SRSF7: variants seen among roughly 807,000 people sequenced by gnomAD.
SRSF7 encodes the protein serine and arginine rich splicing factor 7.
In SRSF7, 15 loss-of-function variants were observed where a neutral mutation model predicts 42.2. The observed-to-expected ratio is 0.36, with a 90% CI of 0.24 to 0.55. The LOEUF is 0.55. Among genes scored for constraint, SRSF7 ranks in the 20% least tolerant of loss-of-function variants. The pLI is 0.88. For synonymous variants in SRSF7, 138 were observed against 107.9 expected, an observed-to-expected ratio of 1.28 and a Z score of -1.73; for missense variants, 181 against 305.9, an observed-to-expected ratio of 0.59 and a Z score of 3.04.
At chr2:38,750,665 C>A (rs1305076745) in intron 1 of SRSF7, among the ~76,000 whole-genome samples, 2 of 149,516 alleles carry the variant, frequency 1.3e-5, no homozygotes, top group African/African-American at 4.9e-5. Flanking sequence ...CTCCCCGCCC[C>A]AGAGCCATAA....
intron 5 of SRSF7, chr2:38,747,002 A>T (rs1450697099): frequency 1.5e-6 from 1 of 652,694 alleles, no homozygotes; most frequent in Non-Finnish European, 2.8e-6. Context: ...ACTGTGTAAT[A>T]TCCAAGGGAA....
chr2:38,747,182 A>T, intron 5 of SRSF7: 3 of 441,340 alleles, frequency 6.8e-6, no homozygotes, highest in South Asian at 4.8e-5. Flanking sequence ...AATTCAGGTG[A>T]TAAGGCCAGA....
At position 38,751,196 on chromosome 2, in the gene SRSF7, A is replaced by C. The variant is rs112411031; in HGVS notation, c.28+33T>G. 1.4e-5 allele frequency: 23 copies of C among 1,613,662 alleles called. No homozygotes were observed. The African/African-American group carries it at 2.7e-4, about 19-fold the overall frequency. ...GCCTCGCAGTGCTCACTACACCCACACCAACGTCCCTCACCGGACTCCAGC... is the reference window on the plus strand; with the variant it reads ...GCCTCGCAGTGCTCACTACACCCACCCCAACGTCCCTCACCGGACTCCAGC... On this transcript the variant is annotated intron_variant, in intron 1 of 7. Coordinates refer to ENST00000313117, the MANE Select transcript of SRSF7 (RefSeq NM_001031684.3).
At chr2:38,751,129 C>G (rs1668287925) in intron 1 of SRSF7, 100 bp downstream of exon 1, 1 of 1,518,540 alleles carries the variant, frequency 6.6e-7, no homozygotes, top group Non-Finnish European at 9.1e-7. Context: ...CGCCATTACG[C>G]ACGCGGAATA....
At chr2:38,749,290 T>C in intron 3 of SRSF7, 1 of 1,476,242 alleles carries the variant, frequency 6.8e-7, no homozygotes, top group Non-Finnish European at 9.1e-7. Context: ...CGCCTCAGCA[T>C]GATATCATAA....
intron 2 of SRSF7, 65 bp from the exon 3 acceptor site, chr2:38,749,770 A>C (rs1418056054): frequency 6.9e-7 from 1 of 1,442,722 alleles, no homozygotes; most frequent in East Asian, 2.5e-5. Context: ...AGATTTAAAA[A>C]GAACTCTTTC....
At chr2:38,749,295 T>C in intron 3 of SRSF7, 2 of 1,481,812 alleles carry the variant, frequency 1.3e-6, no homozygotes, top group Non-Finnish European at 1.8e-6. Context: ...CAGCATGATA[T>C]CATAAGGCTC....
chr2:38,748,564 TAAAC>T lies in SRSF7; in HGVS notation c.461+11_461+14del, dbSNP rs764569919. On this transcript the variant is annotated intron_variant, in intron 4 of 7. Transcript: ENST00000313117. ...AATAATAATACAGAAAGACTTCAGT[TAAAC>T]AAGATCTCACCTTCGTCCCCTGCTC... The T allele has an allele frequency of 4.3e-6, 7 of 1,612,584 alleles. No homozygotes were observed. The South Asian group carries it at 5.5e-5, about 13-fold the overall frequency.
intron 3 of SRSF7, chr2:38,748,970 C>A: frequency 7.7e-7 from 1 of 1,296,902 alleles, no homozygotes; most frequent in Admixed American, 2.9e-5. Context: ...GTATCTATAG[C>A]CGATCGCTGC....
intron 3 of SRSF7, chr2:38,748,985 A>C: frequency 7.8e-7 from 1 of 1,288,504 alleles, no homozygotes; most frequent in Non-Finnish European, 1.0e-6. Context: ...CGCTGCATCT[A>C]GATGTTTTCT....
rs1022783346 is a variant in SRSF7, at chr2:38,747,900, T to C, written c.572+147A>G. The C allele has an allele frequency of 1.1e-5, 6 of 559,472 alleles. No individual in the cohort carries two copies. In the Admixed American group the frequency reaches 1.9e-4, roughly 18 times the overall value. The allele number at this position is 559,472 out of a possible 1,614,324, so 34.7% of individuals were successfully genotyped here. ...TTCTTCATCTGTAAAACTAGGTTAATATTTATGTTACAAGTTACACATAAA... is the reference window on the plus strand; with the variant it reads ...TTCTTCATCTGTAAAACTAGGTTAACATTTATGTTACAAGTTACACATAAA... On this transcript the variant is annotated intron_variant, in intron 5 of 7. Coordinates refer to ENST00000313117, the MANE Select transcript of SRSF7 (RefSeq NM_001031684.3).
In SRSF7 at chr2:38,746,486, T is replaced by C. The variant is rs116712054; in HGVS notation, c.626+208A>G. On this transcript the variant is annotated intron_variant, in intron 6 of 7. Transcript: ENST00000313117. The stretch of plus-strand genomic sequence containing the variant: ...CTCTTTAATATAATCCCCCAAGTCA[T>C]AAGCTTCTTTCTCACTATAGTTTTA... Among the ~76,000 whole-genome samples the C allele has an allele frequency of 8.7e-3, 1,321 of 152,310 alleles. 23 individuals are homozygous for C. The highest frequency in any genetic ancestry group is 0.03 in the African/African-American group (1,260 of 41,558).
At chr2:38,746,653 T>A in intron 6 of SRSF7, 41 bp downstream of exon 6, 1 of 1,607,360 alleles carries the variant, frequency 6.2e-7, no homozygotes, top group Non-Finnish European at 8.5e-7. Context: ...TGGATATTGG[T>A]GCCATATAAC....
chr2:38,751,284 T>A lies in SRSF7; in HGVS notation c.-28A>T. ...TGACAGACCCGCGTGCTCGGCTCTT[T>A]AGCAAGCAGCGCCCAGGGCTCGAGT... On this transcript the variant is annotated 5_prime_UTR_variant, in exon 1 of 8. Coordinates refer to ENST00000313117, the MANE Select transcript of SRSF7 (RefSeq NM_001031684.3). 6.2e-7 allele frequency: 1 copy of A among 1,613,898 alleles called. No homozygotes were observed. The highest frequency in any genetic ancestry group is 8.5e-7 in the Non-Finnish European group (1 of 1,179,826).
intron 2 of SRSF7, 24 bp downstream of exon 2, chr2:38,749,989 AG>A (rs1558613177): frequency 6.3e-7 from 1 of 1,587,426 alleles, no homozygotes; most frequent in South Asian, 1.1e-5. Context: ...TTTAATGAAC[AG>A]AAGATTCATA....
chr2:38,751,394 G>A (rs547587740), upstream of SRSF7: 11 of 1,162,936 alleles, frequency 9.5e-6, no homozygotes, highest in African/African-American at 1.5e-4. Flanking sequence ...TTATATATGC[G>A]GCCGCTGCGC....
At chr2:38,750,239 G>C in intron 1 of SRSF7, 45 bp from the exon 2 acceptor site, 1 of 1,545,622 alleles carries the variant, frequency 6.5e-7, no homozygotes, top group Non-Finnish European at 8.7e-7. Context: ...CGCAAAATCT[G>C]GCCCAAGTTT....
In SRSF7 at chr2:38,751,309, T is replaced by G; in HGVS notation, c.-53A>C. On this transcript the variant is annotated 5_prime_UTR_variant, in exon 1 of 8. Coordinates refer to ENST00000313117, the MANE Select transcript of SRSF7 (RefSeq NM_001031684.3). ...TAGCAAGCAGCGCCCAGGGCTCGAG[T>G]GACGCAAAAGCTGACACACACCTTC... The G allele has an allele frequency of 2.5e-5, 41 of 1,613,142 alleles. No homozygotes were observed. In the African/African-American group the frequency reaches 4.7e-4, roughly 18 times the overall value.
upstream of SRSF7, chr2:38,751,431 T>G (rs987584338): frequency 1.2e-6 from 1 of 824,798 alleles, no homozygotes; most frequent in Non-Finnish European, 1.9e-6. Context: ...CTCGTTGTTC[T>G]GCGCGGCACA....
Sources: gnomAD v4.1 joint callset for allele counts (sites outside exome capture counted in the v4.1 genomes callset) on GRCh38, gnomAD v4.1.1 for gene constraint, MANE v1.5 for transcripts, NCBI Gene and HGNC (gene_info 2026-07-23, HGNC 2026-07-21) for gene names.